Variants in ZNF682 observed in about 807,000 individuals in gnomAD.
ZNF682 encodes zinc finger protein 682.
ZNF682 carries 29 observed loss-of-function variants against 36.5 expected under a neutral mutation model. The ratio of observed to expected loss-of-function variants is 0.80; its 90% CI spans 0.59 to 1.08. The LOEUF (loss-of-function observed/expected upper bound fraction) is 1.08. ZNF682 is among the 50% of genes least tolerant of loss of function. The probability of loss-of-function intolerance (pLI) is 0.00; values close to 1 mark genes in which losing one functional copy is unlikely to be tolerated. For synonymous variants in ZNF682, 180 were observed against 197.0 expected (o/e 0.91, Z 0.72); for missense variants, 561 against 579.7 (o/e 0.97, Z 0.33).
intron 3 of ZNF682, among the ~76,000 whole-genome samples, chr19:20,020,047 TAAA>T (rs752291651): frequency 1.6e-4 from 1 of 6,206 alleles, no homozygotes; most frequent in Non-Finnish European, 2.9e-4. Context: ...CCCCTTCTCT[TAAA>T]AAAAAAAAAA....
chr19:20,008,071 A>G (rs536537849), intron 3 of ZNF682: 1 of 152,448 alleles, frequency 6.6e-6, no homozygotes, highest in Admixed American at 6.5e-5. Flanking sequence ...CCAGAGGACA[A>G]ATCCATGGGC....
At chr19:20,010,488 CG>C (rs928257395) in intron 3 of ZNF682, among the ~76,000 whole-genome samples, 43 of 151,696 alleles carry the variant, frequency 2.8e-4, no homozygotes, top group Admixed American at 2.7e-3. Context: ...GGTGAAACCC[CG>C]TCTCTACTAA....
intron 2 of ZNF682, 38 bp downstream of exon 2, chr19:20,024,212 T>C (rs781583420): frequency 6.2e-7 from 1 of 1,610,646 alleles, no homozygotes; most frequent in South Asian, 1.1e-5. Flanking sequence ...TAAAATCTTT[T>C]GTGTGAAATA....
At chr19:20,035,494 G>A (rs2088520668) in intron 1 of ZNF682, among the ~76,000 whole-genome samples, 1 of 151,954 alleles carries the variant, frequency 6.6e-6, no homozygotes, top group South Asian at 2.1e-4. Context: ...AAATTCCTGG[G>A]ATTACAGGTG....
At chr19:20,024,197 G>T in intron 2 of ZNF682, 53 bp downstream of exon 2, 2 of 1,604,060 alleles carry the variant, frequency 1.2e-6, no homozygotes, top group Non-Finnish European at 1.7e-6. Flanking sequence ...TACAGAGGAA[G>T]AAAATAAAAT....
downstream of ZNF682, among the ~76,000 whole-genome samples, chr19:20,001,115 G>A (rs1448880674): frequency 6.6e-6 from 1 of 152,210 alleles, no homozygotes; most frequent in Non-Finnish European, 1.5e-5. Flanking sequence ...TGGTTAGGTG[G>A]AAAGTCTCTG....
chr19:20,034,032 T>TA (rs1245356931), intron 1 of ZNF682: 1 of 155,622 alleles, frequency 6.4e-6, no homozygotes. Flanking sequence ...AAACAGTTAT[T>TA]AGTCTGTGGA....
Position 20,006,147 on chromosome 19 carries a change from C to T in ZNF682, c.1355G>A (p.Arg452His), listed in dbSNP as rs368709233. 62 of 1,612,120 alleles carry T rather than the reference C, an allele frequency of 3.8e-5. No individual in the cohort carries two copies. Among genetic ancestry groups the T allele is most frequent in the South Asian group, 3.2e-4 (29 of 91,002 alleles). ...TTTGCCACATTCTTCACATTTATAGCGTTTGACGGCAGTATGAATTTTCTT... is the reference window on the plus strand; with the variant it reads ...TTTGCCACATTCTTCACATTTATAGTGTTTGACGGCAGTATGAATTTTCTT... Reference protein sequence around the residue: ...RHKKIHTAVKRYKCEECGKAF... With the variant: ...RHKKIHTAVKHYKCEECGKAF... The change falls in exon 4 of 4, where the codon CGC (arginine) becomes CAC (histidine). Residue 452 changes from arginine (R) to histidine (H), a missense_variant. By Grantham distance (29) the Arg-to-His change is conservative. Transcript: ENST00000397165.
chr19:20,019,260 C>A (rs767337402), intron 3 of ZNF682, among the ~76,000 whole-genome samples: 1 of 151,896 alleles, frequency 6.6e-6, no homozygotes, highest in African/African-American at 2.4e-5. Context: ...AAAAGTGTTA[C>A]GGATATGGAA....
chr19:20,013,831 C>A (rs1010981388), intron 3 of ZNF682, among the ~76,000 whole-genome samples: 1 of 152,198 alleles, frequency 6.6e-6, no homozygotes, highest in African/African-American at 2.4e-5. Context: ...CCGCCTGCAT[C>A]GGCCTCCCAA....
chr19:20,023,496 C>CA (rs933876958), intron 2 of ZNF682, among the ~76,000 whole-genome samples: 114 of 148,310 alleles, frequency 7.7e-4, no homozygotes, highest in African/African-American at 2.6e-3. Flanking sequence ...GACTCCATCT[C>CA]AAAAAAAAAG....
chr19:20,037,465 A>T (rs1164511707), intron 1 of ZNF682, among the ~76,000 whole-genome samples: 2 of 152,254 alleles, frequency 1.3e-5, no homozygotes, highest in East Asian at 1.9e-4. Context: ...ACTTAATTAA[A>T]AACTGAAGTT....
At chr19:20,029,210 C>G (rs926695977) in intron 1 of ZNF682, among the ~76,000 whole-genome samples, 1 of 151,658 alleles carries the variant, frequency 6.6e-6, no homozygotes, top group Non-Finnish European at 1.5e-5. Context: ...AACTCCTGAC[C>G]TCAGTTGATC....
In ZNF682 at chr19:20,006,212, A is replaced by G. The variant is rs754505056; in HGVS notation, c.1290T>C (p.Cys430=). The stretch of plus-strand genomic sequence containing the variant: ...GTGAGCACCGATTAAAGGCTTTTCC[A>G]CATTCTTCACAGTTGTAGGGTTTCT... ...TGEKPYNCEE[C]GKAFNRCSHL... The change falls in exon 4 of 4, where the codon TGT becomes TGC. Residue 430 remains cysteine, a synonymous_variant. Coordinates refer to ENST00000397165, the MANE Select transcript of ZNF682 (RefSeq NM_033196.3). 3.7e-6 allele frequency: 6 copies of G among 1,613,860 alleles called. No individual in the cohort carries two copies. The highest frequency in any genetic ancestry group is 2.2e-5 in the East Asian group (1 of 44,886).
Position 20,006,480 on chromosome 19 carries a change from T to C in ZNF682, c.1022A>G (p.Tyr341Cys), listed in dbSNP as rs193056478. The stretch of plus-strand genomic sequence containing the variant: ...AGCTTTGCCACATTCTTCACATTTA[T>C]AGGGTTTCTCTCCCGTATGGGTTCT... ...HERTHTGEKP[Y>C]KCEECGKAFN... The change falls in exon 4 of 4, where the codon TAT (tyrosine) becomes TGT (cysteine). Residue 341 changes from tyrosine (Y) to cysteine (C), a missense_variant. Transcript: ENST00000397165. 65 of 1,614,108 alleles carry C rather than the reference T, an allele frequency of 4.0e-5. No homozygotes were observed. Among genetic ancestry groups the C allele is most frequent in the Non-Finnish European group, 2.9e-5 (34 of 1,180,000 alleles).
rs777678344 is a variant in ZNF682, at chr19:20,007,038, C to G, written c.464G>C (p.Ser155Thr). Residue 155 changes from serine to threonine, a missense_variant, in exon 4 of 4, where the codon AGT (serine) becomes ACT (threonine). Physicochemically the swap from Ser to Thr is moderately conservative, Grantham distance 58. Transcript: ENST00000397165. ...TTCTCTATTTAGATTTGATGATTTA[C>G]TAAAGACTTTCACACATTTATTATA... ...FPYNKCVKVFSKSSNLNRENI... is the reference protein window; with the variant it reads ...FPYNKCVKVFTKSSNLNRENI... The G allele has an allele frequency of 6.2e-7, 1 of 1,613,558 alleles. No individual in the cohort carries two copies. Among genetic ancestry groups the G allele is most frequent in the Non-Finnish European group, 8.5e-7 (1 of 1,179,818 alleles).
At chr19:20,015,556 A>G (rs1158838345) in intron 3 of ZNF682, 7 of 451,286 alleles carry the variant, frequency 1.6e-5, no homozygotes, top group Non-Finnish European at 2.0e-5. Flanking sequence ...CAAAATTAAA[A>G]GAAACTATAA....
intron 3 of ZNF682, 24 bp downstream of exon 3, chr19:20,022,980 A>G (rs1188994287): frequency 6.3e-7 from 1 of 1,597,838 alleles, no homozygotes; most frequent in African/African-American, 1.3e-5. Flanking sequence ...CACCTGTGGC[A>G]TGTGTTTCAT....
At chr19:20,021,484 A>AG (rs2088383442) in intron 3 of ZNF682, among the ~76,000 whole-genome samples, 1 of 151,340 alleles carries the variant, frequency 6.6e-6, no homozygotes, top group African/African-American at 2.4e-5. Context: ...ACTCGTCTCA[A>AG]AAAGAAAGAA....
Sources: gnomAD v4.1 joint callset for allele counts (sites outside exome capture counted in the v4.1 genomes callset) on GRCh38, gnomAD v4.1.1 for gene constraint, MANE v1.5 for transcripts, NCBI Gene and HGNC (gene_info 2026-07-23, HGNC 2026-07-21) for gene names.